The following FBLN5 variants were observed in gnomAD, a reference collection of about 807,000 sequenced individuals.
FBLN5 encodes fibulin-5.
Under a neutral mutation model 61.6 loss-of-function variants are expected in FBLN5, and 24 were observed. The observed-to-expected ratio is 0.39, with a 90% CI of 0.28 to 0.55. The LOEUF (loss-of-function observed/expected upper bound fraction) is 0.55. Among genes scored for constraint, FBLN5 ranks in the 20% least tolerant of loss-of-function variants. FBLN5 has a pLI of 0.65. For missense variants in FBLN5, 470 were observed against 594.1 expected, an observed-to-expected ratio of 0.79 and a Z score of 2.17; for synonymous variants, 213 against 219.8, an observed-to-expected ratio of 0.97 and a Z score of 0.27.
intron 7 of FBLN5, among the ~76,000 whole-genome samples, chr14:91,883,298 T>G (rs1889563144): frequency 6.6e-6 from 1 of 152,198 alleles, no homozygotes; most frequent in Non-Finnish European, 1.5e-5. Flanking sequence ...AGAAAATTAT[T>G]TCCTACATGG....
At chr14:91,919,238 G>A (rs751200335) in intron 4 of FBLN5, among the ~76,000 whole-genome samples, 6 of 151,578 alleles carry the variant, frequency 4.0e-5, no homozygotes, top group Non-Finnish European at 5.9e-5. Flanking sequence ...GGCTGAGGCA[G>A]GAAAATGATG....
chr14:91,887,179 C>T lies in FBLN5; in HGVS notation c.739+14G>A, dbSNP rs1390709680. ...CAAGTACAGGTGGAAGTTTCCAATGCGAAAGCCCATTACCACTGCAATGAA... is the reference window on the plus strand; with the variant it reads ...CAAGTACAGGTGGAAGTTTCCAATGTGAAAGCCCATTACCACTGCAATGAA... On this transcript the variant is annotated intron_variant, in intron 7 of 10. Coordinates refer to ENST00000342058, the MANE Select transcript of FBLN5 (RefSeq NM_006329.4). 14 of 1,613,742 alleles carry T rather than the reference C, an allele frequency of 8.7e-6. No homozygotes were observed. Among genetic ancestry groups the T allele is most frequent in the East Asian group, 4.5e-5 (2 of 44,858 alleles).
At chr14:91,895,313 T>C (rs186739355) in intron 4 of FBLN5, among the ~76,000 whole-genome samples, 28 of 152,318 alleles carry the variant, frequency 1.8e-4, no homozygotes, top group Admixed American at 6.5e-4. Context: ...GGAACCCTTA[T>C]CCTCAGGAAT....
intron 10 of FBLN5, among the ~76,000 whole-genome samples, chr14:91,870,627 T>G (rs1167633504): frequency 1.3e-5 from 2 of 152,110 alleles, no homozygotes; most frequent in Non-Finnish European, 2.9e-5. Flanking sequence ...CTAAGTCAGG[T>G]CCCCCTGCGA....
chr14:91,936,708 AT>A (rs1335628034), intron 4 of FBLN5, among the ~76,000 whole-genome samples: 1 of 152,248 alleles, frequency 6.6e-6, no homozygotes, highest in African/African-American at 2.4e-5. Context: ...TGAAAGTAAA[AT>A]AAAGAAAAAA....
chr14:91,923,558 T>A (rs576437731), intron 4 of FBLN5, among the ~76,000 whole-genome samples: 1 of 152,344 alleles, frequency 6.6e-6, no homozygotes, highest in South Asian at 2.1e-4. Flanking sequence ...CTGCCCTTCC[T>A]CGTCTCTGAC....
intron 6 of FBLN5, among the ~76,000 whole-genome samples, chr14:91,890,626 T>A (rs992387675): frequency 2.0e-5 from 3 of 152,240 alleles, no homozygotes. Flanking sequence ...CAAATGATCA[T>A]GTGAAAACCA....
At chr14:91,889,630 G>A (rs781552259) in intron 6 of FBLN5, among the ~76,000 whole-genome samples, 4 of 152,252 alleles carry the variant, frequency 2.6e-5, no homozygotes, top group Non-Finnish European at 4.4e-5. Flanking sequence ...TGGGTTCAGT[G>A]AGATGAACAG....
At chr14:91,895,655 G>A (rs1329348513) in intron 4 of FBLN5, among the ~76,000 whole-genome samples, 10 of 151,832 alleles carry the variant, frequency 6.6e-5, no homozygotes, top group Admixed American at 4.6e-4. Context: ...AAAATTAGCC[G>A]GGCCTGGTGG....
chr14:91,909,358 G>A (rs1595322960), intron 4 of FBLN5, among the ~76,000 whole-genome samples: 3 of 152,308 alleles, frequency 2.0e-5, no homozygotes, highest in African/African-American at 7.2e-5. Flanking sequence ...TCCAAGCACA[G>A]TGCCTAATAC....
At chr14:91,917,394 T>A (rs1360043809) in intron 4 of FBLN5, among the ~76,000 whole-genome samples, 5 of 151,888 alleles carry the variant, frequency 3.3e-5, no homozygotes, top group Admixed American at 2.0e-4. Context: ...CTGACCAATA[T>A]AGTGAAACAT....
chr14:91,869,750 C>A lies in FBLN5; in HGVS notation c.*474G>T, dbSNP rs1427099089. 1 of 215,562 alleles carries A rather than the reference C, an allele frequency of 4.6e-6. No individual in the cohort carries two copies. The highest frequency in any genetic ancestry group is 9.5e-6 in the Non-Finnish European group (1 of 105,538). 13.4% of individuals were successfully genotyped at this position (215,562 alleles called of 1,614,324 possible). On this transcript the variant is annotated 3_prime_UTR_variant, in exon 11 of 11. Coordinates refer to ENST00000342058, the MANE Select transcript of FBLN5 (RefSeq NM_006329.4). ...ATCCTGCTGTGGTTTGTTTACATAGCCTTCTCTGTGTACGCAAAAAGCAAA... is the reference window on the plus strand; with the variant it reads ...ATCCTGCTGTGGTTTGTTTACATAGACTTCTCTGTGTACGCAAAAAGCAAA...
At chr14:91,907,230 C>T (rs142084026) in intron 4 of FBLN5, among the ~76,000 whole-genome samples, 1 of 152,092 alleles carries the variant, frequency 6.6e-6, no homozygotes, top group African/African-American at 2.4e-5. Context: ...GTGCATAGTC[C>T]CCTTGTCCCT....
At chr14:91,934,883 T>C (rs1361906389) in intron 4 of FBLN5, among the ~76,000 whole-genome samples, 1 of 152,110 alleles carries the variant, frequency 6.6e-6, no homozygotes, top group Non-Finnish European at 1.5e-5. Context: ...GAGCCTCCCT[T>C]TCCCATCCCT....
Position 91,939,258 on chromosome 14 carries a change from G to A in FBLN5, c.124+1307C>T, listed in dbSNP as rs557556413. 2.6e-5 allele frequency among the ~76,000 whole-genome samples: 4 copies of A among 151,712 alleles called. No individual in the cohort carries two copies. The South Asian group carries it at 8.4e-4, about 32-fold the overall frequency. Reference sequence around the variant, plus strand: ...CTTTCCACACCTGGTCCTTGTTAATGCTGTTCCTTCTACCTGGAATGGCAT... The same window carrying A: ...CTTTCCACACCTGGTCCTTGTTAATACTGTTCCTTCTACCTGGAATGGCAT... On this transcript the variant is annotated intron_variant, in intron 3 of 10. Transcript: ENST00000342058.
intron 4 of FBLN5, among the ~76,000 whole-genome samples, chr14:91,933,877 A>G (rs1013076855): frequency 3.3e-5 from 5 of 152,276 alleles, no homozygotes; most frequent in African/African-American, 9.6e-5. Context: ...TGGGAGGCCG[A>G]GGCATGAGGA....
intron 9 of FBLN5, among the ~76,000 whole-genome samples, chr14:91,880,717 T>C (rs1287611629): frequency 6.6e-6 from 1 of 152,010 alleles, no homozygotes; most frequent in African/African-American, 2.4e-5. Context: ...CCAGCTAATT[T>C]TTTTGGTATT....
intron 3 of FBLN5, 131 bp from the exon 4 acceptor site, chr14:91,937,332 C>T (rs374466647): frequency 3.0e-5 from 35 of 1,160,796 alleles, no homozygotes; most frequent in Admixed American, 9.9e-5. Context: ...CAACTCATCG[C>T]GGTAAGGTAC....
At position 91,947,148 on chromosome 14, in the gene FBLN5, C is replaced by T; in HGVS notation, c.17+65G>A. The T allele has an allele frequency of 6.2e-7, 1 of 1,609,790 alleles. No individual in the cohort carries two copies. On this transcript the variant is annotated intron_variant, in intron 1 of 10. Coordinates refer to ENST00000342058, the MANE Select transcript of FBLN5 (RefSeq NM_006329.4). This position sits in a 1 kb window ranked among gnomAD's most constrained non-coding sequence, Gnocchi z 4.3. ...GAATCGCAGCCATAACCATTTTCCA[C>T]CCATCGGATTTTTAGCAAGGCTTCC...
Sources: allele counts gnomAD v4.1 joint callset (sites outside exome capture counted in the v4.1 genomes callset), GRCh38; gene constraint gnomAD v4.1.1; non-coding constraint Gnocchi (gnomAD v3.1); transcripts MANE v1.5; gene names NCBI Gene and HGNC (gene_info 2026-07-23, HGNC 2026-07-21).